ANKH: variants seen among roughly 807,000 people sequenced by gnomAD.
The protein encoded by ANKH is mineralization regulator ANKH.
A neutral mutation model predicts 49.0 loss-of-function variants in ANKH; 15 were observed. The observed-to-expected ratio is 0.31, with a 90% CI of 0.20 to 0.47. ANKH has a LOEUF of 0.47. ANKH is among the 20% of genes least tolerant of loss of function. The pLI is 1.00. For synonymous variants in ANKH, 273 were observed against 260.0 expected (o/e 1.05, Z -0.48); for missense variants, 429 against 652.0 (o/e 0.66, Z 3.72).
At chr5:14,794,613 T>C (rs1019910685) in intron 1 of ANKH, among the ~76,000 whole-genome samples, 2 of 152,262 alleles carry the variant, frequency 1.3e-5, no homozygotes, top group African/African-American at 4.8e-5. Flanking sequence ...TGTGCTGTGG[T>C]GAAAAGCTGA....
At chr5:14,788,962 C>T (rs1740067915) in intron 1 of ANKH, among the ~76,000 whole-genome samples, 2 of 152,350 alleles carry the variant, frequency 1.3e-5, no homozygotes, top group South Asian at 4.1e-4. Flanking sequence ...GGCACGGTGG[C>T]TCACGCCTGT....
chr5:14,863,824 C>G (rs970764727), intron 1 of ANKH, among the ~76,000 whole-genome samples: 9 of 152,146 alleles, frequency 5.9e-5, no homozygotes, highest in African/African-American at 2.2e-4. Flanking sequence ...TGTCCCAAAC[C>G]AAATATGAAA....
chr5:14,714,559 G>A (rs1579999842), intron 9 of ANKH, among the ~76,000 whole-genome samples: 1 of 152,174 alleles, frequency 6.6e-6, no homozygotes, highest in Admixed American at 6.5e-5. Context: ...TGGTTTGGAA[G>A]GAAGTCTTTG....
At position 14,824,168 on chromosome 5, in the gene ANKH, G is replaced by GA. The variant is rs919580805; in HGVS notation, c.96+47183dup. 1.2e-3 allele frequency among the ~76,000 whole-genome samples: 184 copies of GA among 151,394 alleles called. 2 individuals are homozygous for GA. The highest frequency in any genetic ancestry group is 3.2e-4 in the Non-Finnish European group (22 of 67,824). On this transcript the variant is annotated intron_variant, in intron 1 of 11. Coordinates refer to ENST00000284268, the MANE Select transcript of ANKH (RefSeq NM_054027.6). Reference sequence around the variant, plus strand: ...CAGGGCCATCCTTCCTTGAAAGAAGGAAAAAAAATAGTCTCTGATGAAATG... The same window carrying GA: ...CAGGGCCATCCTTCCTTGAAAGAAGGAAAAAAAAATAGTCTCTGATGAAATG...
intron 1 of ANKH, among the ~76,000 whole-genome samples, chr5:14,772,694 G>A (rs1317161998): frequency 6.6e-6 from 1 of 152,220 alleles, no homozygotes; most frequent in Non-Finnish European, 1.5e-5. Flanking sequence ...CTCACCACTT[G>A]ACAATTTACC....
chr5:14,810,809 A>G (rs752627244), intron 1 of ANKH, among the ~76,000 whole-genome samples: 14 of 152,216 alleles, frequency 9.2e-5, no homozygotes, highest in Non-Finnish European at 1.5e-4. Flanking sequence ...AACAAACAAA[A>G]AAAGCAGACT....
chr5:14,789,398 C>T (rs1457463793), intron 1 of ANKH, among the ~76,000 whole-genome samples: 1 of 150,716 alleles, frequency 6.6e-6, no homozygotes, highest in Non-Finnish European at 1.5e-5. Flanking sequence ...CCTTGCATCA[C>T]ATTTAGGTCC....
At chr5:14,777,799 C>A (rs1739675794) in intron 1 of ANKH, among the ~76,000 whole-genome samples, 1 of 152,208 alleles carries the variant, frequency 6.6e-6, no homozygotes, top group African/African-American at 2.4e-5. Context: ...GTCTGGGAAA[C>A]CTATGAAGCA....
chr5:14,802,659 G>A (rs10070607), intron 1 of ANKH, among the ~76,000 whole-genome samples: 21,729 of 151,564 alleles, frequency 0.14, 1,934 homozygotes, highest in East Asian at 0.45. Context: ...GACACAAGGC[G>A]TCTCCTTGAG....
intron 2 of ANKH, among the ~76,000 whole-genome samples, chr5:14,761,547 C>A (rs956719352): frequency 1.3e-5 from 2 of 151,334 alleles, no homozygotes; most frequent in Non-Finnish European, 2.9e-5. Context: ...TAGGGATGCA[C>A]TGAAATGTGA....
At chr5:14,819,063 A>C (rs1741125039) in intron 1 of ANKH, among the ~76,000 whole-genome samples, 3 of 152,192 alleles carry the variant, frequency 2.0e-5, no homozygotes, top group Non-Finnish European at 4.4e-5. Flanking sequence ...AACTCTGAAT[A>C]CGGAGTTAAT....
chr5:14,836,153 C>T (rs1433365752), intron 1 of ANKH, among the ~76,000 whole-genome samples: 1 of 152,072 alleles, frequency 6.6e-6, no homozygotes, highest in Non-Finnish European at 1.5e-5. Context: ...AAACCCACAG[C>T]CAATATCATA....
intron 1 of ANKH, among the ~76,000 whole-genome samples, chr5:14,832,880 C>T (rs1339722005): frequency 6.6e-6 from 1 of 152,174 alleles, no homozygotes; most frequent in Non-Finnish European, 1.5e-5. Flanking sequence ...ATACCAACAC[C>T]TAAGCTTTCT....
rs1356800477 is a variant in ANKH, at chr5:14,770,107, G to A, written c.97-916C>T. On this transcript the variant is annotated intron_variant, in intron 1 of 11. Transcript: ENST00000284268. The surrounding 1 kb of genome is among the most constrained non-coding windows in gnomAD (Gnocchi z 4.1). ...GTCATTAGGAACAGGAAACTAAGCAGAAGAGTCAGCTTTCTGTATAGTTAT... is the reference window on the plus strand; with the variant it reads ...GTCATTAGGAACAGGAAACTAAGCAAAAGAGTCAGCTTTCTGTATAGTTAT... Among the ~76,000 whole-genome samples, 3 of 152,220 alleles carry A rather than the reference G, an allele frequency of 2.0e-5. No individual in the cohort carries two copies. The highest frequency in any genetic ancestry group is 1.5e-5 in the Non-Finnish European group (1 of 68,036).
At chr5:14,773,785 AC>A (rs1739526365) in intron 1 of ANKH, among the ~76,000 whole-genome samples, 1 of 151,934 alleles carries the variant, frequency 6.6e-6, no homozygotes, top group Non-Finnish European at 1.5e-5. Flanking sequence ...CTGTTCACCT[AC>A]CCCCTTGTTG....
intron 1 of ANKH, among the ~76,000 whole-genome samples, chr5:14,815,028 T>C (rs779364440): frequency 1.3e-5 from 2 of 152,206 alleles, no homozygotes; most frequent in African/African-American, 2.4e-5. Flanking sequence ...TGAAGTTGGT[T>C]CTCACCCACC....
At chr5:14,754,310 G>A (rs1340283773) in intron 4 of ANKH, among the ~76,000 whole-genome samples, 2 of 147,774 alleles carry the variant, frequency 1.4e-5, no homozygotes, top group Non-Finnish European at 3.0e-5. Context: ...TGGGTACTAT[G>A]TTTATTTTAG....
chr5:14,757,414 A>ATCTATATC (rs1491261937), intron 3 of ANKH, among the ~76,000 whole-genome samples: 21 of 91,580 alleles, frequency 2.3e-4, no homozygotes, highest in Middle Eastern at 4.8e-3. Context: ...TTATTGGAAC[A>ATCTATATC]TATATATATA....
intron 1 of ANKH, 67 bp from the exon 2 acceptor site, chr5:14,769,258 T>A: frequency 7.6e-7 from 1 of 1,321,536 alleles, no homozygotes; most frequent in Non-Finnish European, 1.1e-6. Flanking sequence ...ATCATACCTC[T>A]AAGATGAAAT....
Sources: allele counts gnomAD v4.1 joint callset (sites outside exome capture counted in the v4.1 genomes callset), GRCh38; gene constraint gnomAD v4.1.1; non-coding constraint Gnocchi (gnomAD v3.1); transcripts MANE v1.5; gene names NCBI Gene and HGNC (gene_info 2026-07-23, HGNC 2026-07-21).